ADCY8: variants seen among roughly 807,000 people sequenced by gnomAD.
ADCY8 encodes the protein adenylate cyclase 8.
ADCY8 carries 51 observed loss-of-function variants against 119.7 expected under a neutral mutation model. That is an observed-to-expected ratio of 0.43 (90% CI 0.34 to 0.54). The LOEUF is 0.54. Among genes scored for constraint, ADCY8 ranks in the 20% least tolerant of loss-of-function variants. The pLI, the probability that ADCY8 is intolerant of heterozygous loss-of-function variation, is 0.03. For synonymous variants in ADCY8, 665 were observed against 651.0 expected (o/e 1.02, Z -0.33); for missense variants, 1,383 against 1,598.8 (o/e 0.87, Z 2.30).
At chr8:130,932,346 C>G (rs1279456907) in intron 5 of ADCY8, among the ~76,000 whole-genome samples, 1 of 152,166 alleles carries the variant, frequency 6.6e-6, no homozygotes, top group Non-Finnish European at 1.5e-5. Context: ...GTGGTCCTAT[C>G]TGCCATCGGG....
intron 2 of ADCY8, among the ~76,000 whole-genome samples, chr8:130,973,128 C>G (rs1821972706): frequency 6.6e-6 from 1 of 152,190 alleles, no homozygotes; most frequent in Non-Finnish European, 1.5e-5. Context: ...AAAATTCTCC[C>G]TTTTCCTATA....
At chr8:131,017,258 C>T (rs567536634) in intron 1 of ADCY8, among the ~76,000 whole-genome samples, 3 of 151,940 alleles carry the variant, frequency 2.0e-5, no homozygotes, top group South Asian at 2.1e-4. Flanking sequence ...TTAGTAGAGA[C>T]GGGCTTTCGC....
At chr8:130,979,732 A>G (rs1342745375) in intron 2 of ADCY8, among the ~76,000 whole-genome samples, 2 of 152,330 alleles carry the variant, frequency 1.3e-5, no homozygotes, top group Non-Finnish European at 1.5e-5. Flanking sequence ...CACCCACTTC[A>G]TAGGATTTAT....
intron 15 of ADCY8, among the ~76,000 whole-genome samples, chr8:130,796,071 G>T (rs1815570853): frequency 1.3e-5 from 2 of 152,148 alleles, no homozygotes. Flanking sequence ...CTGCCTCCCT[G>T]TAACTACTTT....
At position 131,039,853 on chromosome 8, in the gene ADCY8, A is replaced by G; in HGVS notation, c.481T>C (p.Phe161Leu). The G allele has an allele frequency of 4.3e-6, 7 of 1,614,142 alleles. No individual in the cohort carries two copies. The highest frequency in any genetic ancestry group is 5.9e-6 in the Non-Finnish European group (7 of 1,180,002). ...GVIFPTLRNSFKSRDLERLYQ... is the reference protein window; with the variant it reads ...GVIFPTLRNSLKSRDLERLYQ... Reference sequence around the variant, plus strand: ...AGGCGTTCCAAATCCCGAGATTTGAAGGAGTTGCGCAGGGTGGGGAAAATG... The same window carrying G: ...AGGCGTTCCAAATCCCGAGATTTGAGGGAGTTGCGCAGGGTGGGGAAAATG... The change falls in exon 1 of 18, where the codon TTC (phenylalanine) becomes CTC (leucine). Residue 161 changes from phenylalanine to leucine, a missense_variant. Coordinates refer to ENST00000286355, the MANE Select transcript of ADCY8 (RefSeq NM_001115.3).
intron 11 of ADCY8, among the ~76,000 whole-genome samples, chr8:130,846,657 C>A (rs1251359527): frequency 4.1e-5 from 5 of 120,676 alleles, no homozygotes; most frequent in South Asian, 3.7e-4. Flanking sequence ...CTTCCTTCCC[C>A]TTCCTTCCTT....
At chr8:130,906,459 TAAATC>T (rs1229596257) in intron 6 of ADCY8, among the ~76,000 whole-genome samples, 2 of 152,222 alleles carry the variant, frequency 1.3e-5, no homozygotes, top group African/African-American at 4.8e-5. Flanking sequence ...TTCCATGTAT[TAAATC>T]AATATTATGT....
At chr8:130,898,792 C>A (rs1407284350) in intron 7 of ADCY8, among the ~76,000 whole-genome samples, 1 of 152,210 alleles carries the variant, frequency 6.6e-6, no homozygotes, top group African/African-American at 2.4e-5. Context: ...TTTATAGCTA[C>A]ATAAAAACCT....
intron 1 of ADCY8, among the ~76,000 whole-genome samples, chr8:131,020,017 A>T (rs2130794057): frequency 6.6e-6 from 1 of 152,276 alleles, no homozygotes; most frequent in South Asian, 2.1e-4. Flanking sequence ...GCAAAGGAAG[A>T]ACAGAAACTT....
At chr8:130,856,129 A>T (rs1422806539) in intron 9 of ADCY8, among the ~76,000 whole-genome samples, 2 of 151,736 alleles carry the variant, frequency 1.3e-5, no homozygotes, top group African/African-American at 2.4e-5. Context: ...GTGAGCTGTC[A>T]CTGTCATCTC....
At chr8:130,829,629 C>G (rs916509588) in intron 12 of ADCY8, among the ~76,000 whole-genome samples, 1 of 152,100 alleles carries the variant, frequency 6.6e-6, no homozygotes, top group Admixed American at 6.5e-5. Flanking sequence ...AAGGTAAATA[C>G]TTGTCCTAAA....
intron 5 of ADCY8, among the ~76,000 whole-genome samples, chr8:130,932,018 A>G (rs1820644084): frequency 6.6e-6 from 1 of 152,094 alleles, no homozygotes; most frequent in South Asian, 2.1e-4. Context: ...GACCTTCATC[A>G]TTGTGCCTCA....
At chr8:130,801,073 A>G (rs1490265326) in intron 14 of ADCY8, among the ~76,000 whole-genome samples, 1 of 152,198 alleles carries the variant, frequency 6.6e-6, no homozygotes, top group Non-Finnish European at 1.5e-5. Context: ...AGGATCATGA[A>G]TATTCAGTCC....
At chr8:130,854,458 T>C (rs759417169) in intron 9 of ADCY8, among the ~76,000 whole-genome samples, 2 of 152,206 alleles carry the variant, frequency 1.3e-5, no homozygotes, top group Non-Finnish European at 2.9e-5. Context: ...TAGCAGCTTG[T>C]GGTGCAATAG....
intron 8 of ADCY8, among the ~76,000 whole-genome samples, chr8:130,873,879 A>C (rs559635022): frequency 2.0e-5 from 3 of 152,266 alleles, no homozygotes; most frequent in Non-Finnish European, 4.4e-5. Context: ...AGTATATATT[A>C]ATATAGTTGT....
At chr8:131,016,580 G>A (rs1343543328) in intron 1 of ADCY8, among the ~76,000 whole-genome samples, 1 of 152,200 alleles carries the variant, frequency 6.6e-6, no homozygotes, top group Non-Finnish European at 1.5e-5. Context: ...CAAAGCTTGA[G>A]TGAGTCTTGC....
rs148226852 is a variant in ADCY8, at chr8:130,907,734, G to A, written c.1640+1974C>T. Among the ~76,000 whole-genome samples, 105 of 152,144 alleles carry A rather than the reference G, an allele frequency of 6.9e-4. 1 individual carries two copies. In the Middle Eastern group the frequency reaches 0.017, roughly 25 times the overall value. Reference sequence around the variant, plus strand: ...TTTCTTTTTACAAATTATTTTATTCGTTTCTTTCCTTTTTCAACTTTTATT... The same window carrying A: ...TTTCTTTTTACAAATTATTTTATTCATTTCTTTCCTTTTTCAACTTTTATT... On this transcript the variant is annotated intron_variant, in intron 6 of 17. Coordinates refer to ENST00000286355, the MANE Select transcript of ADCY8 (RefSeq NM_001115.3).
chr8:130,861,906 A>G (rs1453589375), intron 9 of ADCY8, among the ~76,000 whole-genome samples: 1 of 152,096 alleles, frequency 6.6e-6, no homozygotes, highest in African/African-American at 2.4e-5. Flanking sequence ...AAGTTTATCC[A>G]ATGCATTTAT....
At chr8:130,927,834 C>T (rs918539516) in intron 5 of ADCY8, among the ~76,000 whole-genome samples, 4 of 152,132 alleles carry the variant, frequency 2.6e-5, no homozygotes, top group Non-Finnish European at 4.4e-5. Flanking sequence ...ACCTCCAGTA[C>T]CTATATTGAA....
Sources: gnomAD v4.1 joint callset for allele counts (sites outside exome capture counted in the v4.1 genomes callset) on GRCh38, gnomAD v4.1.1 for gene constraint, MANE v1.5 for transcripts, NCBI Gene and HGNC (gene_info 2026-07-23, HGNC 2026-07-21) for gene names.